ADAMTS17: variants seen among roughly 807,000 people sequenced by gnomAD.
ADAMTS17 encodes A disintegrin and metalloproteinase with thrombospondin motifs 17.
In ADAMTS17, 113 loss-of-function variants were observed where a neutral mutation model predicts 141.5. The ratio of observed to expected loss-of-function variants is 0.80; its 90% confidence interval spans 0.69 to 0.93. The LOEUF (loss-of-function observed/expected upper bound fraction) is 0.93, where lower values mean the gene tolerates loss of function less well. Among genes scored for constraint, ADAMTS17 ranks in the 40% least tolerant of loss-of-function variants. The pLI, the probability that ADAMTS17 is intolerant of heterozygous loss-of-function variation, is 0.00. For synonymous variants in ADAMTS17, 768 were observed against 630.6 expected (o/e 1.22, Z -3.27); for missense variants, 1,659 against 1,517.9 (o/e 1.09, Z -1.54).
At chr15:100,294,717 T>C (rs528377403) in intron 3 of ADAMTS17, among the ~76,000 whole-genome samples, 2 of 152,208 alleles carry the variant, frequency 1.3e-5, no homozygotes, top group South Asian at 4.2e-4. Context: ...AAAATACCAG[T>C]TGTAAGAGGG....
Position 100,262,372 on chromosome 15 carries a change from C to G in ADAMTS17, c.853G>C (p.Val285Leu), listed in dbSNP as rs933268366. The G allele has an allele frequency of 6.2e-7, 1 of 1,613,976 alleles. No individual in the cohort carries two copies. Among genetic ancestry groups the G allele is most frequent in the Non-Finnish European group, 8.5e-7 (1 of 1,179,960 alleles). The change falls in exon 5 of 22, where the codon GTC becomes CTC. Residue 285 changes from valine (V) to leucine (L), a missense_variant. Val to Leu is a conservative substitution (Grantham distance 32). Coordinates refer to ENST00000268070, the MANE Select transcript of ADAMTS17 (RefSeq NM_139057.4). The stretch of plus-strand genomic sequence containing the variant: ...CTTACGGGACGTTGTCGTAGCAGGA[C>G]AAGCTTGGTCACTTGAATGTTAATT... ...IKINIQVTKLVLLRQRPAKLS... is the reference protein window; with the variant it reads ...IKINIQVTKLLLLRQRPAKLS...
Position 100,145,120 on chromosome 15 carries a change from T to C in ADAMTS17, c.1473+7492A>G, listed in dbSNP as rs146590716. Among the ~76,000 whole-genome samples the C allele has an allele frequency of 3.0e-3, 454 of 152,306 alleles. 3 individuals carry two copies. The highest frequency in any genetic ancestry group is 0.028 in the East Asian group (145 of 5,188). ...TTCTAGAAAATTTTAAGATAAAAGA[T>C]AGACAAACATACACACACATCCCCC... On this transcript the variant is annotated intron_variant, in intron 10 of 21. Coordinates refer to ENST00000268070, the MANE Select transcript of ADAMTS17 (RefSeq NM_139057.4).
In ADAMTS17 at chr15:99,997,392, C is replaced by CA; in HGVS notation, c.2788dup (p.Trp930LeufsTer10). 1 of 1,613,754 alleles carries CA rather than the reference C, an allele frequency of 6.2e-7. No homozygotes were observed. Among genetic ancestry groups the CA allele is most frequent in the Non-Finnish European group, 8.5e-7 (1 of 1,180,014 alleles). ...GCAAGCCCAGGCACCCACCTGTGAC[C>CA]ACTCAGACGCCTCCCAGATGGACAG... is the stretch of plus-strand genomic sequence containing the variant. On this transcript the variant is annotated frameshift_variant, in exon 19 of 22. Coordinates refer to ENST00000268070, the MANE Select transcript of ADAMTS17 (RefSeq NM_139057.4). LOFTEE classifies it high-confidence loss of function. This position sits in a 1 kb window ranked among gnomAD's most constrained non-coding sequence, Gnocchi z 4.7.
At chr15:100,138,647 G>A (rs1269444240) in intron 10 of ADAMTS17, among the ~76,000 whole-genome samples, 1 of 152,344 alleles carries the variant, frequency 6.6e-6, no homozygotes, top group African/African-American at 2.4e-5. Flanking sequence ...AGAACCAAGT[G>A]AGAAATACTG....
intron 8 of ADAMTS17, among the ~76,000 whole-genome samples, chr15:100,159,259 T>A (rs79675020): frequency 6.6e-6 from 1 of 152,232 alleles, no homozygotes; most frequent in East Asian, 1.9e-4. Context: ...ATGTAGTCTA[T>A]ACATACAATG....
In ADAMTS17 at chr15:100,281,267, C is replaced by T. The variant is rs200673902; in HGVS notation, c.751G>A (p.Glu251Lys). The change falls in exon 4 of 22, where the codon GAG (glutamate) becomes AAG (lysine). Residue 251 changes from glutamate to lysine, a missense_variant. By Grantham distance (56) the Glu-to-Lys change is moderately conservative. Coordinates refer to ENST00000268070, the MANE Select transcript of ADAMTS17 (RefSeq NM_139057.4). ...DADMVQYHGA[E>K]AAQRFILTVM... ...GTCAGGATGAACCTCTGGGCGGCCT[C>T]GGCCCCGTGGTACTGCACCATGTCG... The T allele has an allele frequency of 1.8e-4, 282 of 1,607,274 alleles. 1 individual carries two copies. The highest frequency in any genetic ancestry group is 1.2e-4 in the South Asian group (11 of 91,066).
intron 8 of ADAMTS17, among the ~76,000 whole-genome samples, chr15:100,183,040 G>A (rs1053248678): frequency 6.6e-6 from 1 of 152,002 alleles, no homozygotes; most frequent in African/African-American, 2.4e-5. Flanking sequence ...CCAGGCTGGA[G>A]TGCGGTGGCA....
intron 7 of ADAMTS17, among the ~76,000 whole-genome samples, chr15:100,221,236 G>A (rs1440708846): frequency 6.6e-6 from 1 of 151,302 alleles, no homozygotes; most frequent in Non-Finnish European, 1.5e-5. Context: ...AAAATATGCT[G>A]GAAATGTTTA....
chr15:100,139,972 G>T (rs1408530824), intron 10 of ADAMTS17, among the ~76,000 whole-genome samples: 1 of 152,016 alleles, frequency 6.6e-6, no homozygotes, highest in African/African-American at 2.4e-5. Flanking sequence ...GGTTCTACGG[G>T]CATGTAAGAT....
intron 18 of ADAMTS17, among the ~76,000 whole-genome samples, chr15:100,031,017 G>C (rs997154706): frequency 6.6e-6 from 1 of 152,186 alleles, no homozygotes; most frequent in Non-Finnish European, 1.5e-5. Context: ...ACGGAGTGCT[G>C]ACTCGGGGTG....
At chr15:100,194,650 C>G (rs1357752789) in intron 8 of ADAMTS17, among the ~76,000 whole-genome samples, 1 of 152,206 alleles carries the variant, frequency 6.6e-6, no homozygotes, top group Non-Finnish European at 1.5e-5. Context: ...AAGCAGGGGC[C>G]TATCTGAGAG....
chr15:100,215,146 C>G (rs570185780), intron 7 of ADAMTS17, among the ~76,000 whole-genome samples: 1 of 152,356 alleles, frequency 6.6e-6, no homozygotes, highest in East Asian at 1.9e-4. Flanking sequence ...AGGCAGCCCT[C>G]ATGCCTGCGT....
At chr15:100,233,222 C>A (rs1596328592) in intron 7 of ADAMTS17, among the ~76,000 whole-genome samples, 3 of 151,728 alleles carry the variant, frequency 2.0e-5, no homozygotes, top group Admixed American at 2.0e-4. Context: ...CCCAGGTACT[C>A]AGGATGCTGA....
rs369831239 is a variant in ADAMTS17 at position 99,974,388 on chromosome 15, C to G, written c.*14G>C. ...ACCTGAGTCTGAGCTTTGAGCGACC[C>G]TTGGGACTGCGTGTCACGAGTTCGG... On this transcript the variant is annotated 3_prime_UTR_variant, in exon 22 of 22. Transcript: ENST00000268070. 1.2e-6 allele frequency: 2 copies of G among 1,613,924 alleles called. No individual in the cohort carries two copies. The highest frequency in any genetic ancestry group is 2.7e-5 in the African/African-American group (2 of 74,934).
intron 18 of ADAMTS17, among the ~76,000 whole-genome samples, chr15:100,005,568 C>G (rs1442108453): frequency 1.3e-5 from 2 of 152,130 alleles, no homozygotes; most frequent in African/African-American, 2.4e-5. Flanking sequence ...TGCCTCATCT[C>G]CTACCTGGAA....
intron 3 of ADAMTS17, among the ~76,000 whole-genome samples, chr15:100,296,444 G>A (rs1425358577): frequency 6.6e-6 from 1 of 152,012 alleles, no homozygotes; most frequent in Non-Finnish European, 1.5e-5. Context: ...CAAAAAATAA[G>A]TTTTGCTCTC....
chr15:99,990,771 AG>A (rs1432104876), intron 20 of ADAMTS17, among the ~76,000 whole-genome samples: 1 of 152,172 alleles, frequency 6.6e-6, no homozygotes, highest in African/African-American at 2.4e-5. Context: ...CGTAAAGCAC[AG>A]GCAGAAGCAA....
At chr15:100,037,240 A>G (rs116564355) in intron 18 of ADAMTS17, among the ~76,000 whole-genome samples, 426 of 152,284 alleles carry the variant, frequency 2.8e-3, no homozygotes, top group African/African-American at 9.9e-3. Context: ...CTTTTCGATC[A>G]CAGCCACACT....
Position 100,088,527 on chromosome 15 carries a change from G to A in ADAMTS17, c.2137+7829C>T, listed in dbSNP as rs553253448. Among the ~76,000 whole-genome samples, 323 of 152,010 alleles carry A rather than the reference G, an allele frequency of 2.1e-3. 1 individual carries two copies. Among genetic ancestry groups the A allele is most frequent in the African/African-American group, 7.4e-3 (306 of 41,412 alleles). On this transcript the variant is annotated intron_variant, in intron 15 of 21. Transcript: ENST00000268070. The stretch of plus-strand genomic sequence containing the variant: ...TGGAACCAAAAAAATAGCCCGCATC[G>A]CCAAGTCAATCCTAAGCCAAAAGAA...
Sources: allele counts gnomAD v4.1 joint callset (sites outside exome capture counted in the v4.1 genomes callset), GRCh38; gene constraint gnomAD v4.1.1; non-coding constraint Gnocchi (gnomAD v3.1); transcripts MANE v1.5; gene names NCBI Gene and HGNC (gene_info 2026-07-23, HGNC 2026-07-21).